The following RASGRF2 variants were observed in gnomAD, a reference collection of about 807,000 sequenced individuals.
RASGRF2 encodes ras-specific guanine nucleotide-releasing factor 2.
A neutral mutation model predicts 151.0 loss-of-function variants in RASGRF2; 76 were observed. The ratio of observed to expected loss-of-function variants is 0.50; its 90% CI spans 0.42 to 0.61. RASGRF2 has a LOEUF of 0.61. Ranked by LOEUF, RASGRF2 falls within the 20% of genes least tolerant of loss-of-function variation. RASGRF2 has a pLI of 0.00. For synonymous variants in RASGRF2, 504 were observed against 566.5 expected (o/e 0.89, Z 1.57); for missense variants, 1,148 against 1,564.6 (o/e 0.73, Z 4.49).
chr5:81,173,690 G>A (rs1311263653), intron 17 of RASGRF2, among the ~76,000 whole-genome samples: 1 of 152,174 alleles, frequency 6.6e-6, no homozygotes, highest in Non-Finnish European at 1.5e-5. Context: ...GGTTCAATGG[G>A]CAATAGGGAG....
At chr5:81,016,718 G>T (rs572021630) in intron 1 of RASGRF2, among the ~76,000 whole-genome samples, 3 of 152,256 alleles carry the variant, frequency 2.0e-5, no homozygotes, top group African/African-American at 7.2e-5. Context: ...TTTTAAGACA[G>T]TGTATAAAAG....
chr5:81,159,216 C>CA (rs1754327326), intron 17 of RASGRF2, among the ~76,000 whole-genome samples: 1 of 152,090 alleles, frequency 6.6e-6, no homozygotes, highest in Non-Finnish European at 1.5e-5. Context: ...GGATGAAACG[C>CA]AAAAATATGC....
chr5:81,073,280 G>A lies in RASGRF2; in HGVS notation c.715G>A (p.Glu239Lys), dbSNP rs1246770823. 1.2e-6 allele frequency: 2 copies of A among 1,613,388 alleles called. No individual in the cohort carries two copies. Among genetic ancestry groups the A allele is most frequent in the African/African-American group, 1.3e-5 (1 of 74,906 alleles). Residue 239 changes from glutamate (E) to lysine (K), a missense_variant, in exon 5 of 27, where the codon GAA becomes AAA. This residue lies in a region of RASGRF2 where 176 missense variants were observed against 309.6 expected (regional missense o/e 0.57). Coordinates refer to ENST00000265080, the MANE Select transcript of RASGRF2 (RefSeq NM_006909.3). ...VQDYICSPHA[E>K]SMRKRNQIVF... Reference sequence around the variant, plus strand: ...GGATTACATTTGTTCTCCTCATGCTGAAAGTATGAGGAAGAGAAACCAGAT... The same window carrying A: ...GGATTACATTTGTTCTCCTCATGCTAAAAGTATGAGGAAGAGAAACCAGAT...
intron 1 of RASGRF2, among the ~76,000 whole-genome samples, chr5:81,013,513 C>G (rs1312378486): frequency 1.3e-5 from 2 of 152,040 alleles, no homozygotes; most frequent in Non-Finnish European, 2.9e-5. Flanking sequence ...GGAGCTCATG[C>G]ACAATTCCCT....
chr5:81,227,693 C>T lies in RASGRF2; in HGVS notation c.*1923C>T, dbSNP rs1580422182. The T allele has an allele frequency of 6.6e-6, 1 of 152,178 alleles. No individual in the cohort carries two copies. Among genetic ancestry groups the T allele is most frequent in the African/African-American group, 2.4e-5 (1 of 41,448 alleles). 9.4% of individuals were successfully genotyped at this position (152,178 alleles called of 1,614,324 possible). A position where few individuals can be genotyped will look rare whatever the true frequency, so the allele number is the denominator to read the frequency against. On this transcript the variant is annotated 3_prime_UTR_variant, in exon 27 of 27. Transcript: ENST00000265080. ...GAAAAGTAAAGGTTAGCTTTCATGGCTCAAAAGCATAGTCCTGAAGGGTGA... is the reference window on the plus strand; with the variant it reads ...GAAAAGTAAAGGTTAGCTTTCATGGTTCAAAAGCATAGTCCTGAAGGGTGA...
intron 16 of RASGRF2, among the ~76,000 whole-genome samples, chr5:81,124,234 C>T (rs191502739): frequency 3.9e-5 from 6 of 152,274 alleles, no homozygotes; most frequent in Admixed American, 3.9e-4. Flanking sequence ...AAAACCAATA[C>T]CCTACAGGAA....
At chr5:81,032,526 A>G (rs1325616538) in intron 1 of RASGRF2, among the ~76,000 whole-genome samples, 1 of 152,194 alleles carries the variant, frequency 6.6e-6, no homozygotes, top group South Asian at 2.1e-4. Flanking sequence ...CAGCATATAA[A>G]CAGAACCAAA....
intron 1 of RASGRF2, among the ~76,000 whole-genome samples, chr5:80,962,462 C>T (rs115266103): frequency 0.015 from 2,262 of 151,316 alleles, 61 homozygotes; most frequent in African/African-American, 0.053. Flanking sequence ...TCCAAGGCCC[C>T]GCAGGAACCA....
chr5:81,150,240 A>G (rs1754102571), intron 17 of RASGRF2, among the ~76,000 whole-genome samples: 1 of 152,152 alleles, frequency 6.6e-6, no homozygotes, highest in South Asian at 2.1e-4. Context: ...TATCAAATAA[A>G]CCTGCACCTG....
At chr5:81,026,055 CCT>C (rs1750015600) in intron 1 of RASGRF2, among the ~76,000 whole-genome samples, 1 of 37,996 alleles carries the variant, frequency 2.6e-5, no homozygotes, top group Non-Finnish European at 5.0e-5. Context: ...TCCATCCTTC[CCT>C]TCTTCTCCTT....
At chr5:80,970,508 C>T (rs1747896256) in intron 1 of RASGRF2, among the ~76,000 whole-genome samples, 1 of 151,942 alleles carries the variant, frequency 6.6e-6, no homozygotes, top group African/African-American at 2.4e-5. Context: ...GTGTGTTTAT[C>T]CCCGTTTGCC....
chr5:81,047,749 C>G (rs1049088010), intron 2 of RASGRF2, among the ~76,000 whole-genome samples: 4 of 152,234 alleles, frequency 2.6e-5, no homozygotes, highest in Admixed American at 2.6e-4. Context: ...TTAAACCTTT[C>G]AATTAAGCCT....
intron 1 of RASGRF2, among the ~76,000 whole-genome samples, chr5:81,019,760 A>G (rs932123872): frequency 6.6e-6 from 1 of 152,206 alleles, no homozygotes; most frequent in African/African-American, 2.4e-5. Context: ...TTTACTATCT[A>G]TAGATATATG....
intron 18 of RASGRF2, among the ~76,000 whole-genome samples, chr5:81,188,426 G>A (rs1755079739): frequency 6.6e-6 from 1 of 152,182 alleles, no homozygotes; most frequent in Non-Finnish European, 1.5e-5. Context: ...AGGACTCTGA[G>A]CAAGGAGGAC....
intron 12 of RASGRF2, chr5:81,096,656 T>C (rs1435246542): frequency 1.3e-5 from 2 of 152,182 alleles, no homozygotes; most frequent in East Asian, 3.9e-4. Flanking sequence ...GGTGACCTTC[T>C]TTAGCATGAC....
At chr5:81,082,740 T>C (rs1187989081) in intron 7 of RASGRF2, among the ~76,000 whole-genome samples, 2 of 152,248 alleles carry the variant, frequency 1.3e-5, no homozygotes, top group Non-Finnish European at 2.9e-5. Flanking sequence ...ATTGAGGCTT[T>C]CTGGCTTTTG....
At chr5:81,212,260 T>C in intron 22 of RASGRF2, 106 bp from the exon 23 acceptor site, 1 of 735,962 alleles carries the variant, frequency 1.4e-6, no homozygotes. Context: ...TTCAAGCTAC[T>C]CAACACCCTG....
chr5:80,967,162 G>GT (rs1158441979), intron 1 of RASGRF2, among the ~76,000 whole-genome samples: 4 of 152,206 alleles, frequency 2.6e-5, no homozygotes, highest in Admixed American at 2.6e-4. Flanking sequence ...GTCGAGGCAG[G>GT]TGGATCACCT....
intron 2 of RASGRF2, among the ~76,000 whole-genome samples, chr5:81,055,738 C>T (rs909624757): frequency 9.9e-5 from 15 of 152,046 alleles, no homozygotes; most frequent in Admixed American, 3.3e-4. Flanking sequence ...TGGTAGAATT[C>T]GGCTGTGAAT....
Sources: gnomAD v4.1 joint callset for allele counts (sites outside exome capture counted in the v4.1 genomes callset) on GRCh38, gnomAD v4.1.1 for gene constraint, gnomAD v4.1.1 regional missense constraint, MANE v1.5 for transcripts, NCBI Gene and HGNC (gene_info 2026-07-23, HGNC 2026-07-21) for gene names.